The following MEST variants were observed in gnomAD, a reference collection of about 807,000 sequenced individuals.
MEST encodes mesoderm specific transcript.
In MEST, 18 loss-of-function variants were observed where a neutral mutation model predicts 50.9. The observed-to-expected ratio is 0.35, with a 90% CI of 0.24 to 0.52. The LOEUF (loss-of-function observed/expected upper bound fraction) is 0.52, where lower values mean the gene tolerates loss of function less well. Among genes scored for constraint, MEST ranks in the 20% least tolerant of loss-of-function variants. MEST has a pLI of 0.94. For missense variants in MEST, 282 were observed against 425.3 expected (o/e 0.66, Z 2.96); for synonymous variants, 130 against 154.1 (o/e 0.84, Z 1.16).
chr7:130,487,611 A>T (rs1798663698), upstream of MEST: 1 of 152,182 alleles, frequency 6.6e-6, no homozygotes, highest in African/African-American at 2.4e-5. Context: ...AGAGGAACAC[A>T]CCAGTAGCTT....
chr7:130,497,184 G>A lies in MEST; in HGVS notation c.210G>A (p.Glu70=), dbSNP rs782505324. 1.9e-6 allele frequency: 3 copies of A among 1,613,252 alleles called. No homozygotes were observed. The highest frequency in any genetic ancestry group is 1.7e-6 in the Non-Finnish European group (2 of 1,179,626). ...CTGTGGGTGTGGTTGGAAGTCCAGA[G>A]ATAGTTGTGCTTTTACACGGTTTTC... ...QDSVGVVGSP[E]IVVLLHGFPT... is the part of the protein sequence containing the mutation. Residue 70 remains glutamate (E), a synonymous_variant, in exon 3 of 12, where the codon GAG becomes GAA. Transcript: ENST00000223215. This position sits in a 1 kb window ranked among gnomAD's most constrained non-coding sequence, Gnocchi z 4.0.
At position 130,500,654 on chromosome 7, in the gene MEST, G is replaced by A; in HGVS notation, c.647+122G>A. ...AGCAAAGGTGTTGGCCGCTTGCCAG[G>A]GAAGTAGAAGGAATTCATAAATCAC... On this transcript the variant is annotated intron_variant, in intron 8 of 11. Transcript: ENST00000223215. This position sits in a 1 kb window ranked among gnomAD's most constrained non-coding sequence, Gnocchi z 5.0. 1 of 1,214,474 alleles carries A rather than the reference G, an allele frequency of 8.2e-7. No homozygotes were observed. Among genetic ancestry groups the A allele is most frequent in the Non-Finnish European group, 1.2e-6 (1 of 856,260 alleles). 75.2% of individuals were successfully genotyped at this position (1,214,474 alleles called of 1,614,324 possible). A position where few individuals can be genotyped will look rare whatever the true frequency, so the allele number is the denominator to read the frequency against.
At chr7:130,496,240 G>T in intron 2 of MEST, 1 of 445,244 alleles carries the variant, frequency 2.2e-6, no homozygotes. Flanking sequence ...ATGTTGGCTT[G>T]GGTTACTTCC....
Position 130,500,795 on chromosome 7 carries a change from C to A in MEST, c.654C>A (p.Thr218=). ...GCGTTTTGGACTCTTTCAGTCTCAC[C>A]CCAGTCTTTGGGCCGTATACTCGGC... ...MNFFVFSRGL[T]PVFGPYTRPS... is the part of the protein sequence containing the mutation. Residue 218 remains threonine (T), a synonymous_variant, in exon 9 of 12, where the codon ACC becomes ACA. Coordinates refer to ENST00000223215, the MANE Select transcript of MEST (RefSeq NM_002402.4). The surrounding 1 kb of genome is among the most constrained non-coding windows in gnomAD (Gnocchi z 5.0). 1 of 1,610,342 alleles carries A rather than the reference C, an allele frequency of 6.2e-7. No individual in the cohort carries two copies. The highest frequency in any genetic ancestry group is 1.3e-5 in the African/African-American group (1 of 74,750).
In MEST at chr7:130,497,552, G is replaced by A. The variant is rs74816365; in HGVS notation, c.261+317G>A. 0.029 allele frequency: 7,153 copies of A among 247,252 alleles called. 159 individuals are homozygous for A. Among genetic ancestry groups the A allele is most frequent in the Non-Finnish European group, 0.039 (5,038 of 129,274 alleles). 15.3% of individuals were successfully genotyped at this position (247,252 alleles called of 1,614,324 possible). On this transcript the variant is annotated intron_variant, in intron 3 of 11. Transcript: ENST00000223215. The surrounding 1 kb of genome is among the most constrained non-coding windows in gnomAD (Gnocchi z 4.0). ...AGCCTAGGTGACAGAGCGAGAGTCT[G>A]TCTCAAAAAAAAATTTTTTTTTAAT...
chr7:130,499,438 TA>T lies in MEST; in HGVS notation c.536-436del, dbSNP rs150507897. Reference sequence around the variant, plus strand: ...TCATTAACCCTCGTGTTCTGAGTGATAGGGGGAAATGCTAAGGGGAGTCAGA... The same window carrying T: ...TCATTAACCCTCGTGTTCTGAGTGATGGGGGAAATGCTAAGGGGAGTCAGA... On this transcript the variant is annotated intron_variant, in intron 6 of 11. Coordinates refer to ENST00000223215, the MANE Select transcript of MEST (RefSeq NM_002402.4). 6.7e-4 allele frequency among the ~76,000 whole-genome samples: 102 copies of T among 152,302 alleles called. 1 individual carries two copies. The East Asian group carries it at 0.012, about 18-fold the overall frequency.
In MEST at chr7:130,495,516, T is replaced by C; in HGVS notation, c.175T>C (p.Tyr59His). 6.2e-7 allele frequency: 1 copy of C among 1,613,922 alleles called. No homozygotes were observed. Among genetic ancestry groups the C allele is most frequent in the Non-Finnish European group, 8.5e-7 (1 of 1,179,906 alleles). ...CACTTACAAGGGACTGCGTATCTTC[T>C]ACCAAGGTAAGAAGTGGACTATTGG... ...FFTYKGLRIF[Y>H]QDSVGVVGSP... Residue 59 changes from tyrosine (Y) to histidine (H), a missense_variant, in exon 2 of 12, where the codon TAC (tyrosine) becomes CAC (histidine). By Grantham distance (83) the Tyr-to-His change is moderately conservative (BLOSUM62 2). Coordinates refer to ENST00000223215, the MANE Select transcript of MEST (RefSeq NM_002402.4).
rs1798856149 is a variant in MEST, at chr7:130,492,334, C to G, written c.21C>G (p.Leu7=). The G allele has an allele frequency of 7.5e-7, 1 of 1,335,398 alleles. No homozygotes were observed. 82.7% of individuals were successfully genotyped at this position (1,335,398 alleles called of 1,614,324 possible). A position where few individuals can be genotyped will look rare whatever the true frequency, so the allele number is the denominator to read the frequency against. The change falls in exon 1 of 12, where the codon CTC becomes CTG. Residue 7 remains leucine (L), a synonymous_variant. Coordinates refer to ENST00000223215, the MANE Select transcript of MEST (RefSeq NM_002402.4). This position sits in a 1 kb window ranked among gnomAD's most constrained non-coding sequence, Gnocchi z 7.6. ...CGGCCATGGTGCGCCGAGATCGCCTCCGCAGGTGAGTGTGCGGTGGGAACG... is the reference window on the plus strand; with the variant it reads ...CGGCCATGGTGCGCCGAGATCGCCTGCGCAGGTGAGTGTGCGGTGGGAACG... MVRRDR[L]RRMREWWVQV... is the part of the protein sequence containing the mutation.
At chr7:130,496,918 C>A (rs1039917794) in intron 2 of MEST, 3 of 322,938 alleles carry the variant, frequency 9.3e-6, no homozygotes, top group Non-Finnish European at 1.7e-5. Flanking sequence ...AAACAAGGTG[C>A]CTTCAAGTAT....
In MEST at chr7:130,505,830, G is replaced by T. The variant is rs1799456823; in HGVS notation, c.*774G>T. ...TTAAGGACCAATAGCATCTGTGCCA[G>T]AGATGTACTGTTATTAGCTGGGAAG... On this transcript the variant is annotated 3_prime_UTR_variant, in exon 12 of 12. Transcript: ENST00000223215. 1 of 152,208 alleles carries T rather than the reference G, an allele frequency of 6.6e-6. No homozygotes were observed. The highest frequency in any genetic ancestry group is 6.5e-5 in the Admixed American group (1 of 15,284). The allele number at this position is 152,208 out of a possible 1,614,324, so 9.4% of individuals were successfully genotyped here.
In MEST at chr7:130,492,496, G is replaced by T. The variant is rs952142922; in HGVS notation, c.26+157G>T. On this transcript the variant is annotated intron_variant, in intron 1 of 11. Transcript: ENST00000223215. The surrounding 1 kb of genome is among the most constrained non-coding windows in gnomAD (Gnocchi z 7.6). The stretch of plus-strand genomic sequence containing the variant: ...CATTCCGCGCCCGCTCTGCCTACTT[G>T]AGGAGGGGGTGTCACTCCTGCCCGC... 3.1e-5 allele frequency: 16 copies of T among 520,408 alleles called. No homozygotes were observed. The highest frequency in any genetic ancestry group is 4.4e-5 in the Non-Finnish European group (15 of 338,924). The allele number at this position is 520,408 out of a possible 1,614,324, so 32.2% of individuals were successfully genotyped here.
intron 2 of MEST, chr7:130,495,778 GTTTT>G: frequency 5.3e-6 from 1 of 188,922 alleles, no homozygotes; most frequent in Non-Finnish European, 1.0e-5. Flanking sequence ...TCCAATATTA[GTTTT>G]TTTTTTTTTT....
rs1371892557 is a variant in MEST at position 130,504,128 on chromosome 7, TAAA to T, written c.890+135_890+137del. 2.6e-4 allele frequency: 176 copies of T among 669,152 alleles called. 1 individual carries two copies. In the East Asian group the frequency reaches 4.5e-3, roughly 17 times the overall value. 41.5% of individuals were successfully genotyped at this position (669,152 alleles called of 1,614,324 possible). On this transcript the variant is annotated intron_variant, in intron 11 of 11. Coordinates refer to ENST00000223215, the MANE Select transcript of MEST (RefSeq NM_002402.4). ...CGCTGGCTGTTCATCCAGGAAACAA[TAAA>T]AAGATTGAGTTGAGGAATCTTATTC...
chr7:130,495,269 G>T, intron 1 of MEST, 99 bp from the exon 2 acceptor site: 1 of 1,259,282 alleles, frequency 7.9e-7, no homozygotes, highest in South Asian at 1.6e-5. Context: ...TCATTGCATG[G>T]TAACAGCAAT....
At chr7:130,501,379 G>C (rs142432833) in intron 9 of MEST, among the ~76,000 whole-genome samples, 10 of 152,170 alleles carry the variant, frequency 6.6e-5, no homozygotes, top group African/African-American at 2.4e-4. Context: ...GCTGGGGATT[G>C]TATGTTAGAG....
intron 1 of MEST, chr7:130,494,815 A>C: frequency 1.0e-6 from 1 of 985,068 alleles, no homozygotes; most frequent in Non-Finnish European, 1.2e-6. Flanking sequence ...GGAGGGCTGA[A>C]AATCAGGAGT....
intron 9 of MEST, among the ~76,000 whole-genome samples, chr7:130,502,114 TG>T (rs1334226152): frequency 6.6e-6 from 1 of 152,126 alleles, no homozygotes; most frequent in African/African-American, 2.4e-5. Context: ...CCCAGCTACT[TG>T]GGAGGCTGGG....
chr7:130,490,054 TTTGTTA>T (rs1208615005), upstream of MEST: 1 of 152,222 alleles, frequency 6.6e-6, no homozygotes, highest in Non-Finnish European at 1.5e-5. Flanking sequence ...TGCAAAGGCT[TTTGTTA>T]TTGTTATTAT....
At chr7:130,495,769 C>A in intron 2 of MEST, 1 of 316,956 alleles carries the variant, frequency 3.2e-6, no homozygotes. Flanking sequence ...GATATGTATT[C>A]CAATATTAGT....
Sources: allele counts gnomAD v4.1 joint callset (sites outside exome capture counted in the v4.1 genomes callset), GRCh38; gene constraint gnomAD v4.1.1; non-coding constraint Gnocchi (gnomAD v3.1); transcripts MANE v1.5; gene names NCBI Gene and HGNC (gene_info 2026-07-23, HGNC 2026-07-21).